Variants in NELL1 observed in about 807,000 individuals in gnomAD.
NELL1 encodes neural EGFL like 1.
NELL1 carries 76 observed loss-of-function variants against 107.4 expected under a neutral mutation model. The observed-to-expected ratio is 0.71, with a 90% confidence interval of 0.59 to 0.86. The LOEUF (loss-of-function observed/expected upper bound fraction) is 0.86, where lower values mean the gene tolerates loss of function less well. Among genes scored for constraint, NELL1 ranks in the 40% least tolerant of loss-of-function variants. NELL1 has a pLI of 0.00. For synonymous variants in NELL1, 353 were observed against 341.2 expected, an observed-to-expected ratio of 1.03 and a Z score of -0.38; for missense variants, 1,024 against 1,005.5, an observed-to-expected ratio of 1.02 and a Z score of -0.25.
chr11:20,674,261 C>T (rs772987392), intron 1 of NELL1, among the ~76,000 whole-genome samples: 4 of 152,172 alleles, frequency 2.6e-5, no homozygotes, highest in Non-Finnish European at 2.9e-5. Flanking sequence ...AAGGGGCCAT[C>T]TGTACCTTTT....
chr11:20,709,253 C>T (rs1855052804), intron 2 of NELL1, among the ~76,000 whole-genome samples: 1 of 151,972 alleles, frequency 6.6e-6, no homozygotes, highest in African/African-American at 2.4e-5. Context: ...ATTATTCGAC[C>T]TGGGGCTTGC....
At chr11:21,188,879 A>C (rs1378298371) in intron 13 of NELL1, among the ~76,000 whole-genome samples, 1 of 151,926 alleles carries the variant, frequency 6.6e-6, no homozygotes, top group Non-Finnish European at 1.5e-5. Context: ...TTAAAGTATA[A>C]TGTGACCATA....
At chr11:20,713,704 C>T (rs1463733950) in intron 2 of NELL1, among the ~76,000 whole-genome samples, 1 of 152,170 alleles carries the variant, frequency 6.6e-6, no homozygotes, top group African/African-American at 2.4e-5. Context: ...GAAATTATTA[C>T]AGATTTCATT....
chr11:20,781,845 A>G (rs928531681), intron 2 of NELL1, among the ~76,000 whole-genome samples: 3 of 128,536 alleles, frequency 2.3e-5, no homozygotes, highest in Non-Finnish European at 3.1e-5. Flanking sequence ...CCTGGGCAAC[A>G]TGGGGAAACC....
intron 3 of NELL1, among the ~76,000 whole-genome samples, chr11:20,843,703 A>C (rs1029013867): frequency 6.7e-6 from 1 of 148,874 alleles, no homozygotes; most frequent in African/African-American, 2.4e-5. Flanking sequence ...TCAAAATAGG[A>C]TACTTTGGTA....
At chr11:21,547,132 G>C (rs770224320) in intron 16 of NELL1, among the ~76,000 whole-genome samples, 1 of 151,524 alleles carries the variant, frequency 6.6e-6, no homozygotes, top group Non-Finnish European at 1.5e-5. Context: ...TAAGAAAAAA[G>C]CAACTAACTT....
intron 3 of NELL1, among the ~76,000 whole-genome samples, chr11:20,842,125 C>T (rs943180204): frequency 6.6e-6 from 1 of 152,080 alleles, no homozygotes; most frequent in East Asian, 1.9e-4. Context: ...GCCTCTAATC[C>T]CAGCAGTTTG....
chr11:20,811,620 A>G (rs1381283891), intron 3 of NELL1, among the ~76,000 whole-genome samples: 3 of 151,872 alleles, frequency 2.0e-5, no homozygotes, highest in Non-Finnish European at 2.9e-5. Flanking sequence ...TCTGTCATCA[A>G]TGTTTTATAG....
intron 4 of NELL1, among the ~76,000 whole-genome samples, chr11:20,856,281 A>G (rs543044627): frequency 6.6e-6 from 1 of 152,270 alleles, no homozygotes; most frequent in African/African-American, 2.4e-5. Flanking sequence ...CCAGCCAGCT[A>G]ATGTGCCTGG....
chr11:21,240,672 A>G (rs1362497048), intron 14 of NELL1, among the ~76,000 whole-genome samples: 4 of 145,746 alleles, frequency 2.7e-5, no homozygotes, highest in South Asian at 2.2e-4. Context: ...ACAAGATACA[A>G]TATATGGATT....
At chr11:21,276,608 G>C (rs886826794) in intron 14 of NELL1, among the ~76,000 whole-genome samples, 84 of 152,188 alleles carry the variant, frequency 5.5e-4, no homozygotes, top group African/African-American at 1.9e-3. Context: ...TAAGCCAAAA[G>C]AACAAAGCTG....
chr11:21,170,945 T>G (rs930227732), intron 13 of NELL1, among the ~76,000 whole-genome samples: 1 of 151,844 alleles, frequency 6.6e-6, no homozygotes, highest in Admixed American at 6.5e-5. Context: ...TTCATATAAA[T>G]TATTGATTCT....
intron 12 of NELL1, among the ~76,000 whole-genome samples, chr11:21,045,413 A>G (rs1853331165): frequency 6.6e-6 from 1 of 152,144 alleles, no homozygotes; most frequent in South Asian, 2.1e-4. Context: ...AGTGTTTTTC[A>G]AATTGTTCTG....
rs35035702 is a variant in NELL1 at position 21,438,259 on chromosome 11, G to GTTT, written c.1645+67316_1645+67318dup. 3.0e-3 allele frequency among the ~76,000 whole-genome samples: 450 copies of GTTT among 150,526 alleles called. 1 individual carries two copies. The highest frequency in any genetic ancestry group is 4.4e-3 in the Non-Finnish European group (298 of 67,596). ...ACTGGTGCAGTATTCTTACATGACAGTTTTTTTGTTTGTTTGTTTCTTTGT... is the reference window on the plus strand; with the variant it reads ...ACTGGTGCAGTATTCTTACATGACAGTTTTTTTTTTGTTTGTTTGTTTCTTTGT... On this transcript the variant is annotated intron_variant, in intron 15 of 19. Transcript: ENST00000357134.
intron 15 of NELL1, among the ~76,000 whole-genome samples, chr11:21,432,797 G>C (rs1312778594): frequency 6.6e-6 from 1 of 152,108 alleles, no homozygotes; most frequent in Non-Finnish European, 1.5e-5. Flanking sequence ...TGTATACAAT[G>C]TGTAATGATC....
chr11:20,957,946 C>A (rs1851212101), intron 11 of NELL1, among the ~76,000 whole-genome samples: 2 of 151,914 alleles, frequency 1.3e-5, no homozygotes, highest in Admixed American at 1.3e-4. Context: ...TGGAATTCCA[C>A]AAAGACAAAA....
At chr11:21,123,727 T>C (rs187599337) in intron 13 of NELL1, among the ~76,000 whole-genome samples, 1 of 152,324 alleles carries the variant, frequency 6.6e-6, no homozygotes, top group East Asian at 1.9e-4. Context: ...GTCACAATTA[T>C]TTATGTAAGA....
intron 9 of NELL1, among the ~76,000 whole-genome samples, chr11:20,934,221 T>G (rs890323725): frequency 1.3e-5 from 2 of 152,110 alleles, no homozygotes; most frequent in African/African-American, 4.8e-5. Flanking sequence ...AGGATGAGTA[T>G]GAGAAAGCAG....
rs1012092627 is a variant in NELL1 at position 21,020,502 on chromosome 11, G to GT, written c.1300+59951dup. ...GCCATCTGAGAAGAAAGTTAGTTTT[G>GT]TTTTTTTTTCTTTTTTTGGAAGGTT... On this transcript the variant is annotated intron_variant, in intron 12 of 19. Transcript: ENST00000357134. 2.0e-3 allele frequency among the ~76,000 whole-genome samples: 305 copies of GT among 150,524 alleles called. 2 individuals carry two copies. Among genetic ancestry groups the GT allele is most frequent in the Admixed American group, 5.0e-3 (75 of 15,060 alleles).
Sources: gnomAD v4.1 joint callset for allele counts (sites outside exome capture counted in the v4.1 genomes callset) on GRCh38, gnomAD v4.1.1 for gene constraint, MANE v1.5 for transcripts, NCBI Gene and HGNC (gene_info 2026-07-23, HGNC 2026-07-21) for gene names.